The following RASAL2 variants were observed in gnomAD, a reference collection of about 807,000 sequenced individuals.
The protein encoded by RASAL2 is ras GTPase-activating protein nGAP.
RASAL2 carries 58 observed loss-of-function variants against 128.9 expected under a neutral mutation model. The observed-to-expected ratio is 0.45, with a 90% CI of 0.36 to 0.56. The LOEUF (loss-of-function observed/expected upper bound fraction) is 0.56, where lower values mean the gene tolerates loss of function less well. Among genes scored for constraint, RASAL2 ranks in the 20% least tolerant of loss-of-function variants. RASAL2 has a pLI of 0.00. For missense variants in RASAL2, 1,360 were observed against 1,601.6 expected, an observed-to-expected ratio of 0.85 and a Z score of 2.57; for synonymous variants, 561 against 580.8, an observed-to-expected ratio of 0.97 and a Z score of 0.49.
intron 5 of RASAL2, 49 bp downstream of exon 5, chr1:178,420,669 T>A: frequency 7.4e-7 from 1 of 1,350,242 alleles, no homozygotes; most frequent in Non-Finnish European, 1.0e-6. Context: ...GAGAGTGAAT[T>A]TTGTTAAGGC....
At chr1:178,349,180 G>T (rs1670322094) in intron 3 of RASAL2, among the ~76,000 whole-genome samples, 1 of 151,080 alleles carries the variant, frequency 6.6e-6, no homozygotes, top group Non-Finnish European at 1.5e-5. Context: ...CAGCATTTTG[G>T]GAGGCTGAGG....
chr1:178,199,473 A>G (rs754830513), intron 1 of RASAL2, among the ~76,000 whole-genome samples: 7 of 152,266 alleles, frequency 4.6e-5, no homozygotes, highest in Non-Finnish European at 8.8e-5. Context: ...ATGTGGACCA[A>G]GAGACATATA....
At position 178,439,102 on chromosome 1, in the gene RASAL2, C is replaced by T. The variant is rs150677629; in HGVS notation, c.675-320C>T. Among the ~76,000 whole-genome samples the T allele has an allele frequency of 8.8e-4, 133 of 151,912 alleles. 1 individual carries two copies. The highest frequency in any genetic ancestry group is 3.0e-3 in the African/African-American group (123 of 41,462). On this transcript the variant is annotated intron_variant, in intron 5 of 17. Transcript: ENST00000367649. Reference sequence around the variant, plus strand: ...TAACCTTAAAGAGTATATATTTCTCCGTCTTCCAAAATAGGAATAAGAATA... The same window carrying T: ...TAACCTTAAAGAGTATATATTTCTCTGTCTTCCAAAATAGGAATAAGAATA...
intron 3 of RASAL2, among the ~76,000 whole-genome samples, chr1:178,353,043 T>C (rs1333735940): frequency 2.0e-5 from 3 of 152,228 alleles, no homozygotes; most frequent in Non-Finnish European, 2.9e-5. Context: ...GTCTCAGAAA[T>C]GCCTGCAAGG....
intron 1 of RASAL2, among the ~76,000 whole-genome samples, chr1:178,220,733 C>A (rs935664659): frequency 3.9e-5 from 6 of 152,214 alleles, no homozygotes; most frequent in Non-Finnish European, 8.8e-5. Flanking sequence ...TCTTCCATGT[C>A]TTTTCATAGC....
chr1:178,199,452 A>G (rs1157613201), intron 1 of RASAL2, among the ~76,000 whole-genome samples: 2 of 152,218 alleles, frequency 1.3e-5, no homozygotes, highest in African/African-American at 2.4e-5. Flanking sequence ...CACCCCGAGG[A>G]ATTCTTAAAT....
At position 178,404,531 on chromosome 1, in the gene RASAL2, C is replaced by T. The variant is rs907306104; in HGVS notation, c.564+14325C>T. On this transcript the variant is annotated intron_variant, in intron 4 of 17. Transcript: ENST00000367649. ...GAGTAGCTGGGACTACAAGCCCGTA[C>T]CACCACGCCCAGATAATTTTTGTAT... is the stretch of plus-strand genomic sequence containing the variant. 3.9e-5 allele frequency among the ~76,000 whole-genome samples: 6 copies of T among 151,944 alleles called. No homozygotes were observed. In the East Asian group the frequency reaches 1.2e-3, roughly 30 times the overall value.
chr1:178,140,967 A>G (rs774945652), intron 1 of RASAL2, among the ~76,000 whole-genome samples: 19 of 152,192 alleles, frequency 1.2e-4, no homozygotes, highest in Non-Finnish European at 1.9e-4. Flanking sequence ...AGGAAGCGGA[A>G]GGCAGAAGGG....
At chr1:178,421,622 C>T (rs1028492646) in intron 5 of RASAL2, among the ~76,000 whole-genome samples, 2 of 151,976 alleles carry the variant, frequency 1.3e-5, no homozygotes, top group Non-Finnish European at 2.9e-5. Flanking sequence ...AGGTCTGCCT[C>T]TCATATTTGA....
chr1:178,113,345 G>A (rs958678880), intron 1 of RASAL2, among the ~76,000 whole-genome samples: 7 of 150,704 alleles, frequency 4.6e-5, no homozygotes, highest in African/African-American at 1.7e-4. Context: ...GTCTTGTTCT[G>A]TCACCCAGGC....
At chr1:178,135,967 T>C (rs1660311415) in intron 1 of RASAL2, among the ~76,000 whole-genome samples, 1 of 152,210 alleles carries the variant, frequency 6.6e-6, no homozygotes, top group South Asian at 2.1e-4. Flanking sequence ...GTGGGAATTA[T>C]GGGAGTTCAA....
intron 8 of RASAL2, 110 bp from the exon 9 acceptor site, chr1:178,445,408 A>G: frequency 1.6e-6 from 2 of 1,226,670 alleles, no homozygotes; most frequent in Non-Finnish European, 2.3e-6. Context: ...TGAATCTGAT[A>G]GCTTTAGTTT....
intron 1 of RASAL2, among the ~76,000 whole-genome samples, chr1:178,249,332 A>G (rs12025361): frequency 0.27 from 40,800 of 151,058 alleles, 6,371 homozygotes; most frequent in African/African-American, 0.44. Context: ...TGATCGATTC[A>G]GCTATAGATA....
At chr1:178,326,055 A>G (rs760721208) in intron 3 of RASAL2, among the ~76,000 whole-genome samples, 2 of 152,170 alleles carry the variant, frequency 1.3e-5, no homozygotes, top group Non-Finnish European at 2.9e-5. Context: ...TATATAGTCT[A>G]CACTAGCTAC....
At chr1:178,292,164 G>A (rs909591297) in intron 2 of RASAL2, among the ~76,000 whole-genome samples, 3 of 151,758 alleles carry the variant, frequency 2.0e-5, no homozygotes, top group Non-Finnish European at 4.4e-5. Context: ...CTAAAAAGAT[G>A]GTTTTAAACT....
At chr1:178,162,547 TATATATAATATATCTTTATATAAA>T (rs1661362809) in intron 1 of RASAL2, among the ~76,000 whole-genome samples, 1 of 117,746 alleles carries the variant, frequency 8.5e-6, no homozygotes, top group African/African-American at 3.1e-5. Context: ...TTATATAAAA[TATATATAATATATCTTTATATAAA>T]ATATATATAA....
intron 1 of RASAL2, among the ~76,000 whole-genome samples, chr1:178,155,711 G>A (rs10913510): frequency 0.013 from 1,933 of 148,888 alleles, 33 homozygotes; most frequent in African/African-American, 0.046. Flanking sequence ...CCTCCGTTCT[G>A]CTGAAAGCCC....
chr1:178,310,679 T>C (rs1326639470), intron 3 of RASAL2, among the ~76,000 whole-genome samples: 2 of 152,184 alleles, frequency 1.3e-5, no homozygotes, highest in Non-Finnish European at 2.9e-5. Flanking sequence ...TTTGTTCTTT[T>C]ATCTTCCATA....
intron 1 of RASAL2, among the ~76,000 whole-genome samples, chr1:178,209,306 T>C (rs1663172319): frequency 6.6e-6 from 1 of 152,178 alleles, no homozygotes; most frequent in South Asian, 2.1e-4. Context: ...TTGTCCTGGA[T>C]ATCATTTCTT....
Sources: allele counts gnomAD v4.1 joint callset (sites outside exome capture counted in the v4.1 genomes callset), GRCh38; gene constraint gnomAD v4.1.1; transcripts MANE v1.5; gene names NCBI Gene and HGNC (gene_info 2026-07-23, HGNC 2026-07-21).